The following UBE2Q2 variants were observed in gnomAD, a reference collection of about 807,000 sequenced individuals.
The protein encoded by UBE2Q2 is ubiquitin conjugating enzyme E2 Q2.
Under a neutral mutation model 59.9 loss-of-function variants are expected in UBE2Q2, and 54 were observed. The observed-to-expected ratio is 0.90, with a 90% CI of 0.72 to 1.13. The LOEUF is 1.13. Among genes scored for constraint, UBE2Q2 ranks in the 50% most tolerant of loss-of-function variants. The pLI, the probability that UBE2Q2 is intolerant of heterozygous loss-of-function variation, is 0.00. For missense variants in UBE2Q2, 433 were observed against 441.9 expected, an observed-to-expected ratio of 0.98 and a Z score of 0.18; for synonymous variants, 165 against 155.2, an observed-to-expected ratio of 1.06 and a Z score of -0.47.
intron 2 of UBE2Q2, among the ~76,000 whole-genome samples, chr15:75,859,060 A>G (rs2141572383): frequency 6.6e-6 from 1 of 152,292 alleles, no homozygotes; most frequent in South Asian, 2.1e-4. Flanking sequence ...GCCTTATTAG[A>G]TCCCATTTGA....
chr15:75,899,365 AT>A, intron 12 of UBE2Q2, 61 bp from the exon 13 acceptor site: 1 of 1,266,916 alleles, frequency 7.9e-7, no homozygotes, highest in South Asian at 1.4e-5. Context: ...ACCTTATTAC[AT>A]GCCAGTTCTT....
chr15:75,848,447 ATCAGAAC>A (rs2141532092), intron 1 of UBE2Q2, among the ~76,000 whole-genome samples: 1 of 152,344 alleles, frequency 6.6e-6, no homozygotes, highest in Admixed American at 6.5e-5. Context: ...ATTTGGAAAT[ATCAGAAC>A]TGTCATGTTA....
intron 11 of UBE2Q2, among the ~76,000 whole-genome samples, chr15:75,896,449 C>T (rs756415843): frequency 1.2e-4 from 18 of 152,108 alleles, no homozygotes; most frequent in East Asian, 1.9e-4. Context: ...AAAATTAATC[C>T]TAGATTTGGC....
At chr15:75,855,889 C>A (rs745473993) in intron 2 of UBE2Q2, among the ~76,000 whole-genome samples, 1 of 152,054 alleles carries the variant, frequency 6.6e-6, no homozygotes, top group African/African-American at 2.4e-5. Context: ...TCTTCATATT[C>A]GTAAATGTAA....
rs773380150 is a variant in UBE2Q2 at position 75,897,119 on chromosome 15, ATACT to A, written c.1096+62_1096+65del. The A allele has an allele frequency of 4.1e-5, 40 of 968,174 alleles. No individual in the cohort carries two copies. In the East Asian group the frequency reaches 6.5e-4, roughly 16 times the overall value. The allele number at this position is 968,174 out of a possible 1,614,324, so 60.0% of individuals were successfully genotyped here. On this transcript the variant is annotated intron_variant, in intron 12 of 12. Coordinates refer to ENST00000267938, the MANE Select transcript of UBE2Q2 (RefSeq NM_173469.4). ...TTAAGAAGTTTTAGATAATGTATTA[ATACT>A]TACCATTTTATTTTTCTGTTTTTGC... is the stretch of plus-strand genomic sequence containing the variant.
At chr15:75,846,459 A>T (rs929693300) in intron 1 of UBE2Q2, among the ~76,000 whole-genome samples, 2 of 152,010 alleles carry the variant, frequency 1.3e-5, no homozygotes, top group African/African-American at 4.8e-5. Flanking sequence ...GCTGGTCTTG[A>T]ACTCCACCTC....
Position 75,843,864 on chromosome 15 carries a change from G to C in UBE2Q2, c.180+18G>C. ...ACATCACGGTGAGGCGCCCGGCCGC[G>C]GCCCCGCGGGGCAGGGCGAGGACGG... On this transcript the variant is annotated intron_variant, in intron 1 of 12. Coordinates refer to ENST00000267938, the MANE Select transcript of UBE2Q2 (RefSeq NM_173469.4). 6.5e-7 allele frequency: 1 copy of C among 1,540,998 alleles called. No homozygotes were observed. Among genetic ancestry groups the C allele is most frequent in the South Asian group, 1.2e-5 (1 of 83,694 alleles).
chr15:75,847,116 T>C (rs1896392937), intron 1 of UBE2Q2, among the ~76,000 whole-genome samples: 1 of 152,238 alleles, frequency 6.6e-6, no homozygotes, highest in Admixed American at 6.5e-5. Context: ...AAATTTTTCT[T>C]TTTATGGTGG....
At chr15:75,879,341 A>C (rs987097351) in intron 8 of UBE2Q2, among the ~76,000 whole-genome samples, 153 bp downstream of exon 8, 1 of 152,198 alleles carries the variant, frequency 6.6e-6, no homozygotes, top group African/African-American at 2.4e-5. Context: ...GTGAGTACTT[A>C]GGCGTACCAG....
At chr15:75,877,284 G>GA (rs1165663927) in intron 6 of UBE2Q2, among the ~76,000 whole-genome samples, 12 of 151,358 alleles carry the variant, frequency 7.9e-5, no homozygotes, top group African/African-American at 1.2e-4. Flanking sequence ...TAAAAACAAG[G>GA]AAAAAATCCT....
intron 12 of UBE2Q2, among the ~76,000 whole-genome samples, chr15:75,898,324 T>A (rs1899548828): frequency 6.6e-6 from 1 of 152,052 alleles, no homozygotes; most frequent in Admixed American, 6.6e-5. Flanking sequence ...AGTAATAGAG[T>A]CAGAAGCAGG....
intron 6 of UBE2Q2, among the ~76,000 whole-genome samples, chr15:75,877,406 A>G (rs1567033765): frequency 6.6e-6 from 1 of 152,098 alleles, no homozygotes; most frequent in Non-Finnish European, 1.5e-5. Context: ...GAAACCTAAT[A>G]AAGTACAAAC....
chr15:75,890,506 A>T, intron 10 of UBE2Q2, 23 bp downstream of exon 10: 1 of 1,601,518 alleles, frequency 6.2e-7, no homozygotes. Context: ...ACGATACTCC[A>T]TTTTCACCCA....
intron 2 of UBE2Q2, among the ~76,000 whole-genome samples, chr15:75,859,375 G>A (rs924968902): frequency 6.6e-6 from 1 of 151,954 alleles, no homozygotes; most frequent in Admixed American, 6.6e-5. Context: ...GGATATCCAA[G>A]GTCATCTAGA....
intron 3 of UBE2Q2, among the ~76,000 whole-genome samples, chr15:75,868,484 A>G (rs926686428): frequency 7.2e-5 from 11 of 152,242 alleles, no homozygotes; most frequent in South Asian, 2.1e-4. Flanking sequence ...TCTATTATCA[A>G]TAACACATCT....
chr15:75,861,195 C>G (rs1205171423), intron 3 of UBE2Q2, among the ~76,000 whole-genome samples: 2 of 152,218 alleles, frequency 1.3e-5, no homozygotes, highest in Non-Finnish European at 2.9e-5. Context: ...TCCCCATCAA[C>G]GTTGACTTCT....
At chr15:75,894,197 C>T (rs1899265678) in intron 11 of UBE2Q2, among the ~76,000 whole-genome samples, 1 of 152,124 alleles carries the variant, frequency 6.6e-6, no homozygotes. Context: ...GAGGAATGTT[C>T]ATTGCCAAAT....
At chr15:75,844,828 A>G (rs1023541186) in intron 1 of UBE2Q2, among the ~76,000 whole-genome samples, 6 of 152,180 alleles carry the variant, frequency 3.9e-5, no homozygotes, top group African/African-American at 1.4e-4. Context: ...GCTAAAACCA[A>G]GTCTTGTTTT....
Position 75,877,573 on chromosome 15 carries a change from G to A in UBE2Q2, c.674-388G>A, listed in dbSNP as rs552380788. ...TTAAAAAGATTGTGAATAGGTTTAT[G>A]TATACTAACTTGGAAAGATGTCCCT... On this transcript the variant is annotated intron_variant, in intron 6 of 12. Coordinates refer to ENST00000267938, the MANE Select transcript of UBE2Q2 (RefSeq NM_173469.4). Among the ~76,000 whole-genome samples, 7 of 152,176 alleles carry A rather than the reference G, an allele frequency of 4.6e-5. No individual in the cohort carries two copies. The East Asian group carries it at 1.2e-3, about 25-fold the overall frequency.
Sources: allele counts gnomAD v4.1 joint callset (sites outside exome capture counted in the v4.1 genomes callset), GRCh38; gene constraint gnomAD v4.1.1; transcripts MANE v1.5; gene names NCBI Gene and HGNC (gene_info 2026-07-23, HGNC 2026-07-21).